Variants in BGN observed in about 807,000 individuals in gnomAD.
BGN encodes the protein biglycan, also known as bone/cartilage proteoglycan-I.
A neutral mutation model predicts 20.0 loss-of-function variants in BGN; 6 were observed. The ratio of observed to expected loss-of-function variants is 0.30; its 90% confidence interval spans 0.16 to 0.59. BGN has a LOEUF of 0.59. Among genes scored for constraint, BGN ranks in the 20% least tolerant of loss-of-function variants. The pLI is 0.88. For missense variants in BGN, 292 were observed against 312.1 expected (o/e 0.94, Z 0.49); for synonymous variants, 146 against 134.6 (o/e 1.08, Z -0.59).
chrX:153,502,302 C>A (rs1015991232), intron 1 of BGN, among the ~76,000 whole-genome samples: 1 of 112,360 alleles, frequency 8.9e-6, no homozygotes, highest in Non-Finnish European at 1.9e-5. Flanking sequence ...AGGGCTCTGG[C>A]GGGGTGTCCC....
chrX:153,506,715 A>C, intron 5 of BGN, 76 bp downstream of exon 5: 2 of 1,139,797 alleles, frequency 1.8e-6, no homozygotes, highest in Non-Finnish European at 2.4e-6. Flanking sequence ...GGGGCTCTGG[A>C]TGGGCCCGAT....
At position 153,507,071 on chromosome X, in the gene BGN, C is replaced by G. The variant is rs1280347624; in HGVS notation, c.795C>G (p.Ile265Met). The G allele has an allele frequency of 3.3e-6, 4 of 1,208,908 alleles. No homozygotes were observed. In the African/African-American group the frequency reaches 7.0e-5, roughly 21 times the overall value. ...LYRLGLGHNQ[I>M]RMIENGSLSF... ...GGCTGGGCCTAGGCCACAACCAGAT[C>G]AGGATGATCGAGAACGGGAGCCTGA... The change falls in exon 7 of 8, where the codon ATC (isoleucine) becomes ATG (methionine). Residue 265 changes from isoleucine (I) to methionine (M), a missense_variant. Ile to Met is a conservative substitution (Grantham distance 10). Transcript: ENST00000331595.
At chrX:153,499,969 G>A (rs1433862341) in intron 1 of BGN, among the ~76,000 whole-genome samples, 4 of 113,393 alleles carry the variant, frequency 3.5e-5, no homozygotes, top group African/African-American at 1.3e-4. Flanking sequence ...TTGCTCAGGG[G>A]GGCAGACGCC....
At chrX:153,500,121 G>A (rs978666788) in intron 1 of BGN, among the ~76,000 whole-genome samples, 1 of 113,054 alleles carries the variant, frequency 8.8e-6, no homozygotes, top group Non-Finnish European at 1.9e-5. Context: ...TGCCTGGCAC[G>A]GACCCTCCAT....
At chrX:153,506,780 C>T (rs1556993261) in intron 5 of BGN, 50 bp from the exon 6 acceptor site, 1 of 1,168,808 alleles carries the variant, frequency 8.6e-7, no homozygotes, top group South Asian at 1.8e-5. Context: ...AGAGCTAGGG[C>T]CCCTGCCCTC....
intron 7 of BGN, 48 bp downstream of exon 7, chrX:153,507,233 G>A: frequency 1.7e-6 from 2 of 1,156,237 alleles, no homozygotes; most frequent in Non-Finnish European, 2.3e-6. Context: ...TGGGCTGGGG[G>A]AGGCGTGTGT....
At chrX:153,507,856 T>G (rs919137685) in intron 7 of BGN, among the ~76,000 whole-genome samples, 4 of 113,409 alleles carry the variant, frequency 3.5e-5, no homozygotes, top group African/African-American at 1.3e-4. Flanking sequence ...GGCGAGCTCC[T>G]CTGCTGACTG....
At chrX:153,503,777 T>TG (rs1378561580) in intron 1 of BGN, among the ~76,000 whole-genome samples, 1 of 106,316 alleles carries the variant, frequency 9.4e-6, no homozygotes, top group Non-Finnish European at 1.9e-5. Flanking sequence ...CCTGCTCCCC[T>TG]GGGGGGCCTC....
intron 1 of BGN, among the ~76,000 whole-genome samples, chrX:153,500,783 GTGTGTGCA>G (rs2089752600): frequency 9.0e-6 from 1 of 111,186 alleles, no homozygotes; most frequent in Non-Finnish European, 1.9e-5. Context: ...GTGTGTGCAT[GTGTGTGCA>G]TGTGTGTATG....
Position 153,508,552 on chromosome X carries a change from T to C in BGN, c.*107T>C. The C allele has an allele frequency of 3.2e-6, 3 of 946,329 alleles. No homozygotes were observed. The highest frequency in any genetic ancestry group is 4.3e-6 in the Non-Finnish European group (3 of 692,622). The allele number at this position is 946,329 out of a possible 1,213,427, so 78.0% of individuals were successfully genotyped here. On this transcript the variant is annotated 3_prime_UTR_variant, in exon 8 of 8. Coordinates refer to ENST00000331595, the MANE Select transcript of BGN (RefSeq NM_001711.6). ...GAAGCTAAGCCAGGGCCCAGCTGCG[T>C]CCAACCCAGCCCCCCACCTCGGGTC...
chrX:153,502,329 C>T (rs782256477), intron 1 of BGN, among the ~76,000 whole-genome samples: 2 of 112,315 alleles, frequency 1.8e-5, no homozygotes, highest in Non-Finnish European at 3.8e-5. Flanking sequence ...GACTCACTCT[C>T]CCTGGGAGGT....
At chrX:153,498,124 G>C (rs1556991132) in intron 1 of BGN, among the ~76,000 whole-genome samples, 1 of 112,824 alleles carries the variant, frequency 8.9e-6, no homozygotes, top group African/African-American at 3.2e-5. Flanking sequence ...AGGGGCCTGG[G>C]GCTCTAGCCA....
At chrX:153,495,695 T>C (rs2124208343) in intron 1 of BGN, among the ~76,000 whole-genome samples, 1 of 111,994 alleles carries the variant, frequency 8.9e-6, no homozygotes, top group African/African-American at 3.2e-5. Context: ...AGACTTAGTT[T>C]CCCAGGCACA....
chrX:153,500,930 A>G (rs1199616112), intron 1 of BGN, among the ~76,000 whole-genome samples: 2 of 110,588 alleles, frequency 1.8e-5, no homozygotes, highest in African/African-American at 6.6e-5. Flanking sequence ...TGTGTATCAT[A>G]TGTGTATGTG....
chrX:153,501,302 G>C (rs1199289050), intron 1 of BGN, among the ~76,000 whole-genome samples: 2 of 112,365 alleles, frequency 1.8e-5, no homozygotes, highest in East Asian at 5.6e-4. Flanking sequence ...TGGGAGGACA[G>C]CTGAGCCTAT....
At chrX:153,506,430 C>T (rs1434823468) in intron 4 of BGN, 99 bp from the exon 5 acceptor site, 6 of 760,653 alleles carry the variant, frequency 7.9e-6, no homozygotes, top group South Asian at 5.0e-5. Flanking sequence ...CGGGAGCAGC[C>T]GGCAGGTAGC....
At position 153,505,129 on chromosome X, in the gene BGN, T is replaced by A. The variant is rs953943210; in HGVS notation, c.239-109T>A. On this transcript the variant is annotated intron_variant, in intron 2 of 7. Transcript: ENST00000331595. ...GGCTAGTCGGCTGGATGGCTCCAAGTTCATGCTGGTGATGGTGGTGGGGCC... is the reference window on the plus strand; with the variant it reads ...GGCTAGTCGGCTGGATGGCTCCAAGATCATGCTGGTGATGGTGGTGGGGCC... The A allele has an allele frequency of 4.9e-5, 32 of 654,360 alleles. No homozygotes were observed. In the African/African-American group the frequency reaches 5.6e-4, roughly 11 times the overall value. The allele number at this position is 654,360 out of a possible 1,213,427, so 53.9% of individuals were successfully genotyped here.
Position 153,508,567 on chromosome X carries a change from C to CA in BGN, c.*123dup, listed in dbSNP as rs2089820112. On this transcript the variant is annotated 3_prime_UTR_variant, in exon 8 of 8. Coordinates refer to ENST00000331595, the MANE Select transcript of BGN (RefSeq NM_001711.6). ...CCCAGCTGCGTCCAACCCAGCCCCC[C>CA]ACCTCGGGTCCCTGACCCCAGCTCG... is the stretch of plus-strand genomic sequence containing the variant. 8 of 842,858 alleles carry CA rather than the reference C, an allele frequency of 9.5e-6. No individual in the cohort carries two copies. In the South Asian group the frequency reaches 2.0e-4, roughly 21 times the overall value. 69.5% of individuals were successfully genotyped at this position (842,858 alleles called of 1,213,427 possible).
chrX:153,498,480 G>A (rs1238578512), intron 1 of BGN, among the ~76,000 whole-genome samples: 3 of 112,799 alleles, frequency 2.7e-5, no homozygotes, highest in Non-Finnish European at 5.6e-5. Flanking sequence ...CTCATGCAAA[G>A]AGACACACAC....
Sources: gnomAD v4.1 joint callset for allele counts (sites outside exome capture counted in the v4.1 genomes callset) on GRCh38, gnomAD v4.1.1 for gene constraint, MANE v1.5 for transcripts, NCBI Gene and HGNC (gene_info 2026-07-23, HGNC 2026-07-21) for gene names.